Variants in GABRB1 observed in about 807,000 individuals in gnomAD.
GABRB1 encodes gamma-aminobutyric acid type A receptor subunit beta1, also known as gamma-aminobutyric acid receptor subunit beta-1.
Under a neutral mutation model 51.6 loss-of-function variants are expected in GABRB1, and 17 were observed. The observed-to-expected ratio is 0.33, with a 90% CI of 0.23 to 0.49. The LOEUF (loss-of-function observed/expected upper bound fraction) is 0.49, where lower values mean the gene tolerates loss of function less well. Among genes scored for constraint, GABRB1 ranks in the 20% least tolerant of loss-of-function variants. The pLI is 0.99. For synonymous variants in GABRB1, 247 were observed against 218.9 expected (o/e 1.13, Z -1.14); for missense variants, 410 against 600.6 (o/e 0.68, Z 3.32).
At chr4:47,103,209 T>C (rs1714795343) in intron 3 of GABRB1, among the ~76,000 whole-genome samples, 2 of 152,008 alleles carry the variant, frequency 1.3e-5, no homozygotes, top group Admixed American at 6.6e-5. Context: ...TATGAATATA[T>C]AGAAACAAAG....
chr4:47,045,694 C>G (rs938287873), intron 3 of GABRB1, among the ~76,000 whole-genome samples: 1 of 152,014 alleles, frequency 6.6e-6, no homozygotes, highest in Admixed American at 6.6e-5. Context: ...TTACTGGAGC[C>G]TCTTTCCTAA....
chr4:47,405,318 C>T (rs1224986965), intron 7 of GABRB1, among the ~76,000 whole-genome samples: 3 of 152,170 alleles, frequency 2.0e-5, no homozygotes, highest in African/African-American at 7.2e-5. Flanking sequence ...CGGGAATATA[C>T]ATCTAGAATA....
At chr4:47,105,007 G>A (rs1312487644) in intron 3 of GABRB1, among the ~76,000 whole-genome samples, 1 of 151,708 alleles carries the variant, frequency 6.6e-6, no homozygotes. Flanking sequence ...CATGTTTTTT[G>A]GTTGAAATGG....
chr4:47,392,925 T>A (rs897043696), intron 5 of GABRB1, among the ~76,000 whole-genome samples: 4 of 152,206 alleles, frequency 2.6e-5, no homozygotes, highest in African/African-American at 9.7e-5. Flanking sequence ...TCTAGCTAGT[T>A]TAGTATGTAT....
At chr4:47,386,943 G>A (rs545309095) in intron 5 of GABRB1, among the ~76,000 whole-genome samples, 2 of 152,120 alleles carry the variant, frequency 1.3e-5, no homozygotes, top group Admixed American at 6.5e-5. Context: ...TAGACGAAAG[G>A]CTAAACAATT....
intron 5 of GABRB1, among the ~76,000 whole-genome samples, chr4:47,396,485 G>A (rs1448578921): frequency 6.6e-6 from 1 of 152,100 alleles, no homozygotes; most frequent in African/African-American, 2.4e-5. Flanking sequence ...GAATAATCCT[G>A]TATGCACATT....
At chr4:47,001,347 T>C (rs1724204784) in intron 1 of GABRB1, among the ~76,000 whole-genome samples, 1 of 152,196 alleles carries the variant, frequency 6.6e-6, no homozygotes, top group African/African-American at 2.4e-5. Context: ...TTTCACCGTG[T>C]TAGCCAGGAT....
At chr4:47,233,738 C>T (rs571112761) in intron 4 of GABRB1, among the ~76,000 whole-genome samples, 3 of 151,944 alleles carry the variant, frequency 2.0e-5, no homozygotes, top group Non-Finnish European at 4.4e-5. Flanking sequence ...CTAAAAAATT[C>T]AATTTGAAAT....
At chr4:47,270,658 A>G (rs539538266) in intron 4 of GABRB1, among the ~76,000 whole-genome samples, 82 of 152,310 alleles carry the variant, frequency 5.4e-4, no homozygotes, top group Middle Eastern at 3.4e-3. Context: ...CTCCTAACCT[A>G]TTCAGCTAGC....
At chr4:47,202,362 C>G (rs1719932003) in intron 4 of GABRB1, among the ~76,000 whole-genome samples, 1 of 152,132 alleles carries the variant, frequency 6.6e-6, no homozygotes, top group Admixed American at 6.6e-5. Context: ...TTCAGACCGA[C>G]CTCTTTCCTT....
chr4:47,397,545 G>T (rs1228888104), intron 5 of GABRB1, among the ~76,000 whole-genome samples: 1 of 151,898 alleles, frequency 6.6e-6, no homozygotes, highest in Non-Finnish European at 1.5e-5. Flanking sequence ...TACCTGGTAG[G>T]GCTAGTTGCT....
At chr4:47,033,950 A>G (rs116970642) in intron 3 of GABRB1, among the ~76,000 whole-genome samples, 1,851 of 152,318 alleles carry the variant, frequency 0.012, 21 homozygotes, top group East Asian at 0.035. Flanking sequence ...AAAGTAACCC[A>G]AAACATATTA....
intron 3 of GABRB1, among the ~76,000 whole-genome samples, chr4:47,061,279 A>G (rs1193498876): frequency 6.6e-6 from 1 of 152,106 alleles, no homozygotes; most frequent in African/African-American, 2.4e-5. Flanking sequence ...AACTACAGCT[A>G]TTGTGCTTTT....
upstream of GABRB1, among the ~76,000 whole-genome samples, chr4:47,027,470 A>G (rs1725136669): frequency 6.6e-6 from 1 of 151,694 alleles, no homozygotes; most frequent in African/African-American, 2.4e-5. Context: ...GAGCTGAAAA[A>G]TGCAAAGTGA....
intron 5 of GABRB1, among the ~76,000 whole-genome samples, chr4:47,350,105 GA>G (rs569936560): frequency 0.018 from 2,646 of 148,926 alleles, 81 homozygotes; most frequent in African/African-American, 0.062. Context: ...ATTAATATTT[GA>G]AAAAATATAT....
chr4:47,247,960 G>A (rs747550990), intron 4 of GABRB1, among the ~76,000 whole-genome samples: 2 of 152,046 alleles, frequency 1.3e-5, no homozygotes, highest in Admixed American at 6.6e-5. Flanking sequence ...GCATCAAACA[G>A]TGACAGTTTA....
intron 5 of GABRB1, among the ~76,000 whole-genome samples, chr4:47,356,944 C>G (rs1257171547): frequency 1.3e-5 from 2 of 152,138 alleles, no homozygotes; most frequent in African/African-American, 4.8e-5. Context: ...TCACAAACAT[C>G]TTTCAGGGTC....
chr4:47,204,596 G>C (rs1289105333), intron 4 of GABRB1, among the ~76,000 whole-genome samples: 3 of 152,096 alleles, frequency 2.0e-5, no homozygotes, highest in Admixed American at 1.3e-4. Context: ...ACGTGTCTTG[G>C]AGGAACCCAG....
chr4:47,356,974 C>G (rs552133152), intron 5 of GABRB1, among the ~76,000 whole-genome samples: 1 of 152,118 alleles, frequency 6.6e-6, no homozygotes, highest in Non-Finnish European at 1.5e-5. Context: ...ATGCTATTTG[C>G]TTTTCAAATG....
Sources: gnomAD v4.1 joint callset for allele counts (sites outside exome capture counted in the v4.1 genomes callset) on GRCh38, gnomAD v4.1.1 for gene constraint, MANE v1.5 for transcripts, NCBI Gene and HGNC (gene_info 2026-07-23, HGNC 2026-07-21) for gene names.